DYNC2H1: variants seen among roughly 807,000 people sequenced by gnomAD.
DYNC2H1 encodes cytoplasmic dynein 2 heavy chain 1.
DYNC2H1 carries 410 observed loss-of-function variants against 570.0 expected under a neutral mutation model. The observed-to-expected ratio is 0.72, with a 90% CI of 0.66 to 0.78. The LOEUF is 0.78. Among genes scored for constraint, DYNC2H1 ranks in the 30% least tolerant of loss-of-function variants. DYNC2H1 has a pLI of 0.00. For synonymous variants in DYNC2H1, 1,688 were observed against 1,677.6 expected (o/e 1.01, Z -0.15); for missense variants, 4,865 against 5,046.4 (o/e 0.96, Z 1.09).
chr11:103,310,683 T>C (rs919285761), intron 78 of DYNC2H1, among the ~76,000 whole-genome samples: 2 of 84,948 alleles, frequency 2.4e-5, no homozygotes, highest in African/African-American at 5.3e-5. Context: ...CTTTTTTTTT[T>C]TTTTTTTTTT....
intron 88 of DYNC2H1, among the ~76,000 whole-genome samples, chr11:103,476,425 G>A (rs1945549533): frequency 6.6e-6 from 1 of 152,074 alleles, no homozygotes; most frequent in African/African-American, 2.4e-5. Context: ...AAAATTCAAA[G>A]GAGATTATTT....
intron 88 of DYNC2H1, among the ~76,000 whole-genome samples, chr11:103,473,537 A>T (rs958011941): frequency 1.3e-5 from 2 of 152,232 alleles, no homozygotes; most frequent in Non-Finnish European, 2.9e-5. Context: ...TCAGTAAACA[A>T]ACTTAATAAA....
chr11:103,316,556 G>A lies in DYNC2H1; in HGVS notation c.11661G>A (p.Lys3887=), dbSNP rs1315587025. 2 of 1,554,240 alleles carry A rather than the reference G, an allele frequency of 1.3e-6. No homozygotes were observed. The highest frequency in any genetic ancestry group is 1.4e-5 in the African/African-American group (1 of 72,904). Residue 3887 remains lysine (K), a synonymous_variant, in exon 80 of 89, where the codon AAG becomes AAA. Coordinates refer to ENST00000375735, the MANE Select transcript of DYNC2H1 (RefSeq NM_001377.3). ...TTGTTTTTTGACAGGGTTGGACAAAGTTTTATGAATTTTCTTTATCAGATC... is the reference window on the plus strand; with the variant it reads ...TTGTTTTTTGACAGGGTTGGACAAAATTTTATGAATTTTCTTTATCAGATC... ...RRNYIPQGWT[K]FYEFSLSDLR...
rs558844893 is a variant in DYNC2H1, at chr11:103,249,152, A to T, written c.10042+3778A>T. ...GTTGGACTCTATAGTTCTACATTTGATATTTTCTATGAATAAGAGATGAGA... is the reference window on the plus strand; with the variant it reads ...GTTGGACTCTATAGTTCTACATTTGTTATTTTCTATGAATAAGAGATGAGA... On this transcript the variant is annotated intron_variant, in intron 65 of 88. Transcript: ENST00000375735. The surrounding 1 kb of genome is among the most constrained non-coding windows in gnomAD (Gnocchi z 4.6). Among the ~76,000 whole-genome samples the T allele has an allele frequency of 1.4e-3, 208 of 152,098 alleles. No individual in the cohort carries two copies. Among genetic ancestry groups the T allele is most frequent in the Non-Finnish European group, 2.5e-3 (171 of 67,930 alleles).
intron 59 of DYNC2H1, among the ~76,000 whole-genome samples, chr11:103,225,517 C>T (rs1363980624): frequency 6.6e-6 from 1 of 152,076 alleles, no homozygotes; most frequent in Non-Finnish European, 1.5e-5. Flanking sequence ...GCATCCTTTC[C>T]CTACTCTATG....
At chr11:103,333,709 T>G (rs1033920119) in intron 82 of DYNC2H1, among the ~76,000 whole-genome samples, 11 of 152,190 alleles carry the variant, frequency 7.2e-5, no homozygotes, top group African/African-American at 2.7e-4. Context: ...ACCAATAAGT[T>G]GTTTCTAAGG....
At chr11:103,165,685 G>C (rs1027548212) in intron 30 of DYNC2H1, among the ~76,000 whole-genome samples, 1 of 152,118 alleles carries the variant, frequency 6.6e-6, no homozygotes, top group Admixed American at 6.5e-5. Context: ...AGTATAGTAT[G>C]AAATGAGTTC....
chr11:103,412,142 AGTTAAATTTTT>A (rs58288414), intron 84 of DYNC2H1, among the ~76,000 whole-genome samples: 90,907 of 151,332 alleles, frequency 0.6, 29,235 homozygotes, highest in African/African-American at 0.85. Context: ...TCAAAATAAA[AGTTAAATTTTT>A]GTTAAATTTT....
chr11:103,463,038 A>C (rs1378633042), intron 87 of DYNC2H1, among the ~76,000 whole-genome samples: 3 of 152,336 alleles, frequency 2.0e-5, no homozygotes, highest in Admixed American at 6.5e-5. Flanking sequence ...TTATGTTTGC[A>C]GTTAAATGGA....
chr11:103,408,340 T>C lies in DYNC2H1; in HGVS notation c.12366+8468T>C, dbSNP rs183423862. 9.4e-4 allele frequency: 143 copies of C among 152,094 alleles called. 2 individuals carry two copies. Among genetic ancestry groups the C allele is most frequent in the African/African-American group, 3.0e-3 (125 of 41,518 alleles). 9.4% of individuals were successfully genotyped at this position (152,094 alleles called of 1,614,324 possible). ...GTAAGGAATGCTATAGCAATTATAG[T>C]GGGAATAATAAATAGGAGGTGGTTA... is the stretch of plus-strand genomic sequence containing the variant. On this transcript the variant is annotated intron_variant, in intron 84 of 88. Coordinates refer to ENST00000375735, the MANE Select transcript of DYNC2H1 (RefSeq NM_001377.3).
Position 103,168,842 on chromosome 11 carries a change from AG to A in DYNC2H1, c.4852del (p.Val1618PhefsTer17). On this transcript the variant is annotated frameshift_variant, in exon 32 of 89. Transcript: ENST00000375735. LOFTEE classifies it high-confidence loss of function. Reference protein sequence around the residue: ...IDVVKQLNQIQVHTTEDWAWK... With the variant: ...IDVVKQLNQIXVHTTEDWAWK... Reference sequence around the variant, plus strand: ...GTGGTAAAGCAGTTAAACCAAATTCAGGTTCATACAACTGAAGACTGGGCTT... The same window carrying A: ...GTGGTAAAGCAGTTAAACCAAATTCAGTTCATACAACTGAAGACTGGGCTT... The A allele has an allele frequency of 1.2e-6, 2 of 1,613,382 alleles. No homozygotes were observed. Among genetic ancestry groups the A allele is most frequent in the Non-Finnish European group, 1.7e-6 (2 of 1,179,564 alleles).
Position 103,196,599 on chromosome 11 carries a change from A to G in DYNC2H1, c.7709-1334A>G, listed in dbSNP as rs1349400213. Among the ~76,000 whole-genome samples the G allele has an allele frequency of 9.1e-4, 139 of 152,156 alleles. 1 individual carries two copies. The highest frequency in any genetic ancestry group is 9.0e-3 in the Admixed American group (138 of 15,264). On this transcript the variant is annotated intron_variant, in intron 47 of 88. Coordinates refer to ENST00000375735, the MANE Select transcript of DYNC2H1 (RefSeq NM_001377.3). ...TTGATAATTTAACTGACAAAAAAAG[A>G]TTAAATGATTCGGGGAGAATTTTAG...
intron 75 of DYNC2H1, among the ~76,000 whole-genome samples, chr11:103,301,748 G>A (rs930457980): frequency 6.6e-6 from 1 of 151,830 alleles, no homozygotes; most frequent in Non-Finnish European, 1.5e-5. Context: ...TTTTCTGGTT[G>A]GCTATCTAGA....
chr11:103,344,109 T>C (rs1465455930), intron 82 of DYNC2H1, among the ~76,000 whole-genome samples: 1 of 152,342 alleles, frequency 6.6e-6, no homozygotes, highest in East Asian at 1.9e-4. Context: ...TTGGTGCATC[T>C]TGTCAGTACC....
At chr11:103,338,489 C>T (rs748166861) in intron 82 of DYNC2H1, among the ~76,000 whole-genome samples, 3 of 152,056 alleles carry the variant, frequency 2.0e-5, no homozygotes, top group Non-Finnish European at 4.4e-5. Flanking sequence ...TCTTTCAAGC[C>T]ATGAACATAG....
Position 103,220,622 on chromosome 11 carries a change from G to T in DYNC2H1, c.8947-1G>T, listed in dbSNP as rs727503908. 8 of 1,596,620 alleles carry T rather than the reference G, an allele frequency of 5.0e-6. No individual in the cohort carries two copies. Among genetic ancestry groups the T allele is most frequent in the Non-Finnish European group, 6.8e-6 (8 of 1,172,730 alleles). On this transcript the variant is annotated splice_acceptor_variant, in intron 56 of 88. Coordinates refer to ENST00000375735, the MANE Select transcript of DYNC2H1 (RefSeq NM_001377.3). LOFTEE classifies it high-confidence loss of function. ...ATAAAAATGGCCTTTTTCTCTTTTA[G>T]CCTTTAGTCAATGAAGCTAAACTAG...
intron 42 of DYNC2H1, 26 bp from the exon 43 acceptor site, chr11:103,187,314 A>G: frequency 6.2e-7 from 1 of 1,611,238 alleles, no homozygotes; most frequent in South Asian, 1.1e-5. Context: ...TTTTTATCAA[A>G]GTCAGATGTC....
At chr11:103,330,585 T>C (rs2135459446) in intron 82 of DYNC2H1, among the ~76,000 whole-genome samples, 1 of 134,564 alleles carries the variant, frequency 7.4e-6, no homozygotes, top group East Asian at 2.2e-4. Flanking sequence ...TTTTCATTAA[T>C]ATATATCTTT....
In DYNC2H1 at chr11:103,125,085, T is replaced by A; in HGVS notation, c.1662-15T>A. 1 of 1,583,884 alleles carries A rather than the reference T, an allele frequency of 6.3e-7. No individual in the cohort carries two copies. The highest frequency in any genetic ancestry group is 2.3e-5 in the East Asian group (1 of 44,236). Reference sequence around the variant, plus strand: ...AGAACATGAAACTTAACAGGTTATTTATTTTGTTTTATAGTATTGAGGCTA... The same window carrying A: ...AGAACATGAAACTTAACAGGTTATTAATTTTGTTTTATAGTATTGAGGCTA... On this transcript the variant is annotated splice_polypyrimidine_tract_variant and intron_variant, in intron 11 of 88. Transcript: ENST00000375735.
Sources: gnomAD v4.1 joint callset for allele counts (sites outside exome capture counted in the v4.1 genomes callset) on GRCh38, gnomAD v4.1.1 for gene constraint, Gnocchi (gnomAD v3.1) non-coding constraint, MANE v1.5 for transcripts, NCBI Gene and HGNC (gene_info 2026-07-23, HGNC 2026-07-21) for gene names.